Variants in SFT2D1 observed in about 807,000 individuals in gnomAD.
SFT2D1 encodes the protein SFT2 domain containing 1, also known as vesicle transport protein SFT2A.
A neutral mutation model predicts 28.1 loss-of-function variants in SFT2D1; 24 were observed. That is an observed-to-expected ratio of 0.85 (90% CI 0.62 to 1.20). SFT2D1 has a LOEUF of 1.20. Ranked by LOEUF, SFT2D1 falls within the 50% of genes most tolerant of loss-of-function variation. The probability of loss-of-function intolerance (pLI) is 0.00; values close to 1 mark genes in which losing one functional copy is unlikely to be tolerated. For missense variants in SFT2D1, 181 were observed against 190.9 expected, an observed-to-expected ratio of 0.95 and a Z score of 0.31; for synonymous variants, 82 against 73.7, an observed-to-expected ratio of 1.11 and a Z score of -0.58.
At chr6:166,341,981 C>A (rs1778790418) in intron 1 of SFT2D1, among the ~76,000 whole-genome samples, 1 of 152,186 alleles carries the variant, frequency 6.6e-6, no homozygotes, top group Admixed American at 6.5e-5. Context: ...ATAACACCAC[C>A]TTTACCTCCA....
intron 1 of SFT2D1, among the ~76,000 whole-genome samples, chr6:166,341,128 A>G (rs1778771693): frequency 6.6e-6 from 1 of 152,180 alleles, no homozygotes; most frequent in Non-Finnish European, 1.5e-5. Flanking sequence ...CTGAATGTTA[A>G]ATTTTATTTA....
rs768482376 is a variant in SFT2D1 at position 166,329,567 on chromosome 6, G to A, written c.173C>T (p.Pro58Leu). ...SILGTGLLWL[P>L]GGIKLFAVFY... is the part of the protein sequence containing the mutation. ...CACTGCAAAAAGCTTTATGCCGCCC[G>A]GAAGCCACAGCAATCCAGTTCCCTA... The change falls in exon 3 of 8, where the codon CCG becomes CTG. Residue 58 changes from proline (P) to leucine (L), a missense_variant. By Grantham distance (98) the Pro-to-Leu change is moderately conservative. Transcript: ENST00000361731. 1.0e-5 allele frequency: 16 copies of A among 1,607,504 alleles called. No individual in the cohort carries two copies. Among genetic ancestry groups the A allele is most frequent in the Non-Finnish European group, 1.4e-5 (16 of 1,175,598 alleles).
intron 7 of SFT2D1, among the ~76,000 whole-genome samples, chr6:166,321,709 G>C (rs1778362477): frequency 6.6e-6 from 1 of 152,110 alleles, no homozygotes; most frequent in African/African-American, 2.4e-5. Context: ...TGCCTCACCA[G>C]AATCTTTTTC....
rs903244985 is a variant in SFT2D1 at position 166,324,200 on chromosome 6, T to C, written c.410+337A>G. 5.2e-4 allele frequency: 113 copies of C among 218,360 alleles called. 1 individual carries two copies. Among genetic ancestry groups the C allele is most frequent in the Non-Finnish European group, 1.2e-4 (13 of 111,122 alleles). The allele number at this position is 218,360 out of a possible 1,614,324, so 13.5% of individuals were successfully genotyped here. ...AGTGGAGAATGCAGGTAAACTCATC[T>C]TCCCTTGGACTCACCCTGTGATTTG... On this transcript the variant is annotated intron_variant, in intron 6 of 7. Transcript: ENST00000361731.
intron 1 of SFT2D1, chr6:166,334,653 A>C (rs1778612293): frequency 4.6e-6 from 1 of 218,532 alleles, no homozygotes; most frequent in Non-Finnish European, 9.3e-6. Flanking sequence ...TGGAGGGCTG[A>C]GCTTTGAAAC....
chr6:166,335,609 T>C, intron 1 of SFT2D1: 1 of 368,930 alleles, frequency 2.7e-6, no homozygotes, highest in South Asian at 2.2e-5. Flanking sequence ...ACCTTGGCGA[T>C]GACCTTGAAC....
At chr6:166,324,449 G>C (rs1778408124) in intron 6 of SFT2D1, 88 bp downstream of exon 6, 1 of 1,325,782 alleles carries the variant, frequency 7.5e-7, no homozygotes, top group East Asian at 2.3e-5. Context: ...AACACCAGAC[G>C]AAATGCTAGG....
chr6:166,332,698 T>C (rs1463170305), intron 1 of SFT2D1, among the ~76,000 whole-genome samples: 1 of 152,144 alleles, frequency 6.6e-6, no homozygotes, highest in Non-Finnish European at 1.5e-5. Flanking sequence ...AAAACCACCA[T>C]CCATCATTTT....
Position 166,328,323 on chromosome 6 carries a change from T to C in SFT2D1, c.268A>G (p.Lys90Glu). ...CFLMGPVKQL[K>E]KMFEATRLLA... ...AATCTTGTTGCTTCAAACATTTTCT[T>C]CAGTTGCTTCACAGGTCCCATTAAA... The change falls in exon 4 of 8, where the codon AAG becomes GAG. Residue 90 changes from lysine (K) to glutamate (E), a missense_variant. Transcript: ENST00000361731. The C allele has an allele frequency of 6.3e-7, 1 of 1,599,412 alleles. No homozygotes were observed. Among genetic ancestry groups the C allele is most frequent in the African/African-American group, 1.3e-5 (1 of 74,548 alleles).
At chr6:166,338,098 GTTTA>G (rs1424584053) in intron 1 of SFT2D1, among the ~76,000 whole-genome samples, 5 of 152,174 alleles carry the variant, frequency 3.3e-5, no homozygotes, top group Non-Finnish European at 7.4e-5. Context: ...AATTTCTGTT[GTTTA>G]TAAATCACAA....
chr6:166,326,231 T>C (rs774333826), intron 4 of SFT2D1, 64 bp from the exon 5 acceptor site: 246 of 1,360,102 alleles, frequency 1.8e-4, no homozygotes, highest in Non-Finnish European at 2.6e-4. Context: ...TAAAAATGCA[T>C]AAACTATTCT....
chr6:166,329,589 C>T lies in SFT2D1; in HGVS notation c.151G>A (p.Gly51Arg). The change falls in exon 3 of 8, where the codon GGA becomes AGA. Residue 51 changes from glycine to arginine, a missense_variant and splice_region_variant. Transcript: ENST00000361731. ...FVCGVFFSIL[G>R]TGLLWLPGGI... is the part of the protein sequence containing the mutation. ...CCCGGAAGCCACAGCAATCCAGTTC[C>T]CTAAGTTAAGATATTATAGTTATTT... 1 of 1,602,098 alleles carries T rather than the reference C, an allele frequency of 6.2e-7. No individual in the cohort carries two copies.
At chr6:166,330,049 A>G (rs752452116) in intron 2 of SFT2D1, 112 bp downstream of exon 2, 1 of 733,512 alleles carries the variant, frequency 1.4e-6, no homozygotes, top group Non-Finnish European at 2.1e-6. Flanking sequence ...AATACCTTCC[A>G]CCAAAATGGT....
chr6:166,333,981 C>A (rs1234596867), intron 1 of SFT2D1, among the ~76,000 whole-genome samples: 1 of 152,224 alleles, frequency 6.6e-6, no homozygotes, highest in Admixed American at 6.5e-5. Flanking sequence ...GAGCTGAGAT[C>A]CACCTGTCCA....
chr6:166,325,584 C>T (rs1392195068), intron 5 of SFT2D1, among the ~76,000 whole-genome samples: 1 of 152,240 alleles, frequency 6.6e-6, no homozygotes, highest in Non-Finnish European at 1.5e-5. Flanking sequence ...TTACACCTTG[C>T]TACTCGGCAG....
Position 166,342,400 on chromosome 6 carries a change from G to C in SFT2D1, c.63+19C>G. On this transcript the variant is annotated intron_variant, in intron 1 of 7. Coordinates refer to ENST00000361731, the MANE Select transcript of SFT2D1 (RefSeq NM_145169.3). Reference sequence around the variant, plus strand: ...CCAGCGGGCAGCCCCGGGACTGGACGAGGGCGCAAGTTCGCTACCTGCGCA... The same window carrying C: ...CCAGCGGGCAGCCCCGGGACTGGACCAGGGCGCAAGTTCGCTACCTGCGCA... The C allele has an allele frequency of 6.5e-7, 1 of 1,548,330 alleles. No individual in the cohort carries two copies. Among genetic ancestry groups the C allele is most frequent in the Non-Finnish European group, 8.7e-7 (1 of 1,146,720 alleles).
At chr6:166,320,320 T>C in intron 7 of SFT2D1, 64 bp from the exon 8 acceptor site, 1 of 1,371,810 alleles carries the variant, frequency 7.3e-7, no homozygotes, top group South Asian at 1.2e-5. Flanking sequence ...TTGCGCAAAA[T>C]GTTCCTGCTA....
chr6:166,340,822 T>C (rs1179796801), intron 1 of SFT2D1, among the ~76,000 whole-genome samples: 3 of 152,254 alleles, frequency 2.0e-5, no homozygotes, highest in African/African-American at 4.8e-5. Flanking sequence ...ATGTCAAACA[T>C]ATGCAGGAAC....
intron 5 of SFT2D1, among the ~76,000 whole-genome samples, chr6:166,325,445 G>A (rs750640834): frequency 2.0e-5 from 3 of 152,142 alleles, no homozygotes; most frequent in Admixed American, 2.0e-4. Context: ...AGAAGTAAAC[G>A]GAATTGTAAC....
Sources: allele counts gnomAD v4.1 joint callset (sites outside exome capture counted in the v4.1 genomes callset), GRCh38; gene constraint gnomAD v4.1.1; transcripts MANE v1.5; gene names NCBI Gene and HGNC (gene_info 2026-07-23, HGNC 2026-07-21).